TRIM31: variants seen among roughly 807,000 people sequenced by gnomAD.
TRIM31 encodes tripartite motif containing 31, also known as E3 ubiquitin-protein ligase TRIM31.
Under a neutral mutation model 40.6 loss-of-function variants are expected in TRIM31, and 31 were observed. The ratio of observed to expected loss-of-function variants is 0.76; its 90% CI spans 0.57 to 1.03. The LOEUF is 1.03. TRIM31 is among the 50% of genes least tolerant of loss of function. TRIM31 has a pLI of 0.00. For missense variants in TRIM31, 455 were observed against 497.5 expected, an observed-to-expected ratio of 0.91 and a Z score of 0.81; for synonymous variants, 164 against 193.9, an observed-to-expected ratio of 0.85 and a Z score of 1.28.
chr6:30,111,505 C>A (rs1259573503), intron 3 of TRIM31, 143 bp downstream of exon 3: 20 of 771,622 alleles, frequency 2.6e-5, no homozygotes, highest in East Asian at 1.5e-4. Flanking sequence ...GGTGATGCCG[C>A]CTGGCCGGTC....
At chr6:30,104,668 G>A (rs2127380152) in intron 7 of TRIM31, among the ~76,000 whole-genome samples, 2 of 152,376 alleles carry the variant, frequency 1.3e-5, no homozygotes, top group African/African-American at 2.4e-5. Flanking sequence ...GAGGATAGTT[G>A]TGGGGTTTTG....
chr6:30,106,442 C>A (rs186197403), intron 6 of TRIM31, among the ~76,000 whole-genome samples: 1 of 152,152 alleles, frequency 6.6e-6, no homozygotes, highest in Non-Finnish European at 1.5e-5. Context: ...CCAGTCACCC[C>A]GAGCAGGGAG....
At chr6:30,104,692 G>A (rs1406807045) in intron 7 of TRIM31, among the ~76,000 whole-genome samples, 32 of 152,168 alleles carry the variant, frequency 2.1e-4, no homozygotes, top group East Asian at 1.9e-4. Flanking sequence ...TATTAGATGC[G>A]CACATAGTGG....
rs761494388 is a variant in TRIM31 at position 30,110,513 on chromosome 6, C to T, written c.679G>A (p.Asp227Asn). The part of the protein sequence containing the change: ...YVASTEPQLN[D>N]LKKLVDSLKT... ...AGGGAATCAACGAGCTTCTTGAGATCGTTCAACTGTGGCTCAGTGGAGGCA... is the reference window on the plus strand; with the variant it reads ...AGGGAATCAACGAGCTTCTTGAGATTGTTCAACTGTGGCTCAGTGGAGGCA... Residue 227 changes from aspartate to asparagine, a missense_variant, in exon 4 of 9, where the codon GAT becomes AAT. Asp to Asn is a conservative substitution (Grantham distance 23). Coordinates refer to ENST00000376734, the MANE Select transcript of TRIM31 (RefSeq NM_007028.5). 2.0e-5 allele frequency: 32 copies of T among 1,614,178 alleles called. No homozygotes were observed. Among genetic ancestry groups the T allele is most frequent in the Non-Finnish European group, 2.6e-5 (31 of 1,180,046 alleles).
intron 2 of TRIM31, 172 bp downstream of exon 2, chr6:30,112,217 G>A: frequency 1.5e-6 from 1 of 667,052 alleles, no homozygotes; most frequent in Non-Finnish European, 2.5e-6. Context: ...AGAGTCAGCA[G>A]TTCCCCAGAC....
chr6:30,111,794 CAT>C, intron 2 of TRIM31, 51 bp from the exon 3 acceptor site: 3 of 1,562,892 alleles, frequency 1.9e-6, no homozygotes, highest in Non-Finnish European at 2.6e-6. Flanking sequence ...TTTCTGGCCT[CAT>C]AAAATCCTCC....
chr6:30,112,398 C>G lies in TRIM31; in HGVS notation c.408G>C (p.Gln136His). 6.2e-7 allele frequency: 1 copy of G among 1,609,758 alleles called. No homozygotes were observed. Among genetic ancestry groups the G allele is most frequent in the Non-Finnish European group, 8.5e-7 (1 of 1,178,408 alleles). ...AACCTCAAATGCCTACCTGATAATT[C>G]TGGGCAGCTTCTTCGATCAAGCTGA... is the stretch of plus-strand genomic sequence containing the variant. The part of the protein sequence containing the change: ...HNVSLIEEAA[Q>H]NYQGQIQEQI... The change falls in exon 2 of 9, where the codon CAG becomes CAC. Residue 136 changes from glutamine to histidine, a missense_variant. Gln to His is a conservative substitution (Grantham distance 24). Transcript: ENST00000376734.
At chr6:30,112,273 A>T in intron 2 of TRIM31, 116 bp downstream of exon 2, 1 of 1,254,450 alleles carries the variant, frequency 8.0e-7, no homozygotes, top group Non-Finnish European at 1.1e-6. Context: ...TGCCCACTCA[A>T]GCCCAAGGGG....
intron 4 of TRIM31, among the ~76,000 whole-genome samples, chr6:30,109,481 C>A (rs1042441686): frequency 1.3e-5 from 2 of 152,114 alleles, no homozygotes; most frequent in Admixed American, 6.5e-5. Flanking sequence ...CTTGCACTGT[C>A]CAATATGGTA....
At chr6:30,109,861 CAAAAAATAAA>C (rs1042387404) in intron 4 of TRIM31, among the ~76,000 whole-genome samples, 1 of 151,804 alleles carries the variant, frequency 6.6e-6, no homozygotes, top group Non-Finnish European at 1.5e-5. Flanking sequence ...GATTCCATCT[CAAAAAATAAA>C]ATAAAATAAA....
rs570624630 is a variant in TRIM31 at position 30,108,666 on chromosome 6, T to C, written c.767+360A>G. The C allele has an allele frequency of 1.7e-5, 7 of 408,982 alleles. No homozygotes were observed. The East Asian group carries it at 2.3e-4, about 13-fold the overall frequency. 25.3% of individuals were successfully genotyped at this position (408,982 alleles called of 1,614,324 possible). Reference sequence around the variant, plus strand: ...TATGGGGCGGGAGTGAGGTAGGGCATAGGGAGATATGGAAATGAAGATGGG... The same window carrying C: ...TATGGGGCGGGAGTGAGGTAGGGCACAGGGAGATATGGAAATGAAGATGGG... On this transcript the variant is annotated intron_variant, in intron 5 of 8. Transcript: ENST00000376734.
intron 2 of TRIM31, 30 bp downstream of exon 2, chr6:30,112,359 G>A (rs781743149): frequency 7.6e-6 from 12 of 1,581,514 alleles, no homozygotes; most frequent in Non-Finnish European, 1.0e-5. Flanking sequence ...GGGCTGATGG[G>A]GGAACAGGGA....
In TRIM31 at chr6:30,109,128, G is replaced by T; in HGVS notation, c.745-80C>A. The T allele has an allele frequency of 2.1e-6, 3 of 1,456,916 alleles. No homozygotes were observed. The South Asian group carries it at 3.4e-5, about 17-fold the overall frequency. 90.2% of individuals were successfully genotyped at this position (1,456,916 alleles called of 1,614,324 possible). A position where few individuals can be genotyped will look rare whatever the true frequency, so the allele number is the denominator to read the frequency against. On this transcript the variant is annotated intron_variant, in intron 4 of 8. Transcript: ENST00000376734. ...CAAGGAGGAGATACAGAGCCTGCTG[G>T]GTGTGGGGCAGAGCAGGAGGAGTAA... is the stretch of plus-strand genomic sequence containing the variant.
At chr6:30,108,860 T>C (rs1038589477) in intron 5 of TRIM31, 166 bp downstream of exon 5, 2 of 726,590 alleles carry the variant, frequency 2.8e-6, no homozygotes, top group Admixed American at 2.1e-5. Flanking sequence ...CACGTGCTAA[T>C]ATGGTTGGCA....
chr6:30,105,892 A>G (rs1315956973), intron 6 of TRIM31, among the ~76,000 whole-genome samples: 1 of 152,132 alleles, frequency 6.6e-6, no homozygotes, highest in Admixed American at 6.5e-5. Context: ...CAGGTGGGGT[A>G]AGGGGGGGCC....
intron 4 of TRIM31, among the ~76,000 whole-genome samples, chr6:30,110,027 T>TAAAAAA (rs9280894): frequency 1.4e-4 from 16 of 118,164 alleles, no homozygotes; most frequent in African/African-American, 3.9e-4. Flanking sequence ...AGACTCAGTG[T>TAAAAAA]AAAAAAAAAA....
In TRIM31 at chr6:30,112,538, T is replaced by G. The variant is rs1229845251; in HGVS notation, c.268A>C (p.Arg90=). The G allele has an allele frequency of 2.5e-6, 4 of 1,613,136 alleles. No homozygotes were observed. The highest frequency in any genetic ancestry group is 3.4e-6 in the Non-Finnish European group (4 of 1,180,046). The change falls in exon 2 of 9, where the codon AGG becomes CGG. Residue 90 remains arginine (R), a synonymous_variant. Coordinates refer to ENST00000376734, the MANE Select transcript of TRIM31 (RefSeq NM_007028.5). ...TGCCTCGGGCATGTAGCCTCTTTCC[T>G]TTTGGACTGCACCTCAGAGGCTTGT... ...ALQASEVQSK[R]KEATCPRHQE...
chr6:30,103,421 T>A lies in TRIM31; in HGVS notation c.*115A>T. 8.1e-7 allele frequency: 1 copy of A among 1,238,222 alleles called. No individual in the cohort carries two copies. The highest frequency in any genetic ancestry group is 1.1e-6 in the Non-Finnish European group (1 of 910,478). The allele number at this position is 1,238,222 out of a possible 1,614,324, so 76.7% of individuals were successfully genotyped here. Reference sequence around the variant, plus strand: ...CCCGAGCCCTCCCATTCTCCACTCCTTCGACCCAATTCCACTAAGTCAAGA... The same window carrying A: ...CCCGAGCCCTCCCATTCTCCACTCCATCGACCCAATTCCACTAAGTCAAGA... On this transcript the variant is annotated 3_prime_UTR_variant, in exon 9 of 9. Transcript: ENST00000376734.
At position 30,109,031 on chromosome 6, in the gene TRIM31, C is replaced by A; in HGVS notation, c.762G>T (p.Leu254Phe). Residue 254 changes from leucine (L) to phenylalanine (F), a missense_variant, in exon 5 of 9, where the codon TTG (leucine) becomes TTT (phenylalanine). Coordinates refer to ENST00000376734, the MANE Select transcript of TRIM31 (RefSeq NM_007028.5). ...TTTGGGGTGGCCCATCATACCTGCA[C>A]AAGACGACTTTGATATCCTAGAAGA... ...RQLLEDIKVV[L>F]CRSEEFQFLN... The A allele has an allele frequency of 1.9e-6, 3 of 1,613,028 alleles. No individual in the cohort carries two copies. Among genetic ancestry groups the A allele is most frequent in the Non-Finnish European group, 2.5e-6 (3 of 1,180,034 alleles).
Sources: gnomAD v4.1 joint callset for allele counts (sites outside exome capture counted in the v4.1 genomes callset) on GRCh38, gnomAD v4.1.1 for gene constraint, MANE v1.5 for transcripts, NCBI Gene and HGNC (gene_info 2026-07-23, HGNC 2026-07-21) for gene names.